TMEM266: variants seen among roughly 807,000 people sequenced by gnomAD.
TMEM266 encodes the protein transmembrane protein 266, also known as Hv1 related protein 1.
TMEM266 carries 33 observed loss-of-function variants against 50.5 expected under a neutral mutation model. The ratio of observed to expected loss-of-function variants is 0.65; its 90% CI spans 0.50 to 0.87. TMEM266 has a LOEUF of 0.87. TMEM266 is among the 40% of genes least tolerant of loss of function. The probability of loss-of-function intolerance (pLI) is 0.00; values close to 1 mark genes in which losing one functional copy is unlikely to be tolerated. For synonymous variants in TMEM266, 310 were observed against 292.3 expected, an observed-to-expected ratio of 1.06 and a Z score of -0.62; for missense variants, 655 against 695.1, an observed-to-expected ratio of 0.94 and a Z score of 0.65.
chr15:76,149,871 A>C (rs1265418551), intron 3 of TMEM266, among the ~76,000 whole-genome samples: 2 of 152,260 alleles, frequency 1.3e-5, no homozygotes, highest in African/African-American at 4.8e-5. Context: ...AGTCCATGTC[A>C]ATGACAGAAG....
intron 1 of TMEM266, among the ~76,000 whole-genome samples, chr15:76,079,699 G>A (rs1269292641): frequency 6.7e-6 from 1 of 149,310 alleles, no homozygotes; most frequent in African/African-American, 2.5e-5. Context: ...GAGTGAAACC[G>A]GGAGGCAGAG....
chr15:76,156,586 C>T lies in TMEM266; in HGVS notation c.228-18C>T. The T allele has an allele frequency of 6.2e-7, 1 of 1,612,848 alleles. No homozygotes were observed. The highest frequency in any genetic ancestry group is 8.5e-7 in the Non-Finnish European group (1 of 1,179,784). ...CTCCCACTCTGAGCCTCTCTTCTCC[C>T]CACTTTTGTCCCCACAGGTCTAACT... On this transcript the variant is annotated intron_variant, in intron 3 of 10. Coordinates refer to ENST00000388942, the MANE Select transcript of TMEM266 (RefSeq NM_152335.3).
At chr15:76,143,982 G>A (rs150077398) in intron 3 of TMEM266, among the ~76,000 whole-genome samples, 113 of 152,210 alleles carry the variant, frequency 7.4e-4, no homozygotes, top group Non-Finnish European at 1.2e-3. Context: ...TCTGTGGAAT[G>A]ATCTATTCTT....
intron 3 of TMEM266, among the ~76,000 whole-genome samples, chr15:76,156,127 G>A (rs547253711): frequency 4.1e-4 from 63 of 152,322 alleles, no homozygotes; most frequent in African/African-American, 1.4e-3. Flanking sequence ...TTGGAAGGCC[G>A]AGGTGGGCAG....
intron 1 of TMEM266, among the ~76,000 whole-genome samples, chr15:76,081,463 TG>T (rs1280970497): frequency 1.3e-5 from 2 of 152,220 alleles, no homozygotes; most frequent in Non-Finnish European, 2.9e-5. Context: ...CCTTCCACTG[TG>T]CCTGGGCTCA....
chr15:76,111,557 G>A (rs988475338), intron 1 of TMEM266, among the ~76,000 whole-genome samples: 7 of 151,986 alleles, frequency 4.6e-5, no homozygotes, highest in Admixed American at 4.6e-4. Context: ...ACAGGCGCCC[G>A]CCACCATGCC....
chr15:76,122,005 T>C (rs997288398), intron 1 of TMEM266, among the ~76,000 whole-genome samples: 24 of 152,246 alleles, frequency 1.6e-4, no homozygotes, highest in Non-Finnish European at 5.9e-5. Context: ...GAAGAATGAA[T>C]TGAGAAACAA....
chr15:76,180,607 C>CTTTT (rs59287886), intron 8 of TMEM266, among the ~76,000 whole-genome samples: 2,217 of 63,056 alleles, frequency 0.035, 86 homozygotes, highest in East Asian at 0.089. Flanking sequence ...TCATCTTAAG[C>CTTTT]TTTTTTTTTT....
At chr15:76,179,354 C>G (rs1224630078) in intron 8 of TMEM266, among the ~76,000 whole-genome samples, 1 of 152,096 alleles carries the variant, frequency 6.6e-6, no homozygotes, top group African/African-American at 2.4e-5. Context: ...GTGTGGACCC[C>G]GAAGTCCACC....
chr15:76,158,557 T>G (rs1321324618), intron 4 of TMEM266, among the ~76,000 whole-genome samples: 1 of 152,184 alleles, frequency 6.6e-6, no homozygotes, highest in African/African-American at 2.4e-5. Context: ...TAAAATTAAG[T>G]ATCCAGGAGA....
At chr15:76,073,838 A>C (rs746830436) in intron 1 of TMEM266, among the ~76,000 whole-genome samples, 3 of 152,200 alleles carry the variant, frequency 2.0e-5, no homozygotes, top group African/African-American at 7.2e-5. Context: ...CAGACAGTTA[A>C]CATCTGCATT....
rs1161276954 is a variant in TMEM266 at position 76,204,497 on chromosome 15, C to G, written c.*182C>G. On this transcript the variant is annotated 3_prime_UTR_variant, in exon 11 of 11. Transcript: ENST00000388942. ...GCCACAAGCTTCAGACCTCAAAGCCCAGAGCTGGCGCCTCTTCTCGCCCTG... is the reference window on the plus strand; with the variant it reads ...GCCACAAGCTTCAGACCTCAAAGCCGAGAGCTGGCGCCTCTTCTCGCCCTG... 1 of 552,962 alleles carries G rather than the reference C, an allele frequency of 1.8e-6. No homozygotes were observed. Among genetic ancestry groups the G allele is most frequent in the African/African-American group, 1.9e-5 (1 of 53,040 alleles). 34.3% of individuals were successfully genotyped at this position (552,962 alleles called of 1,614,324 possible).
intron 1 of TMEM266, among the ~76,000 whole-genome samples, chr15:76,085,396 T>C (rs1395036056): frequency 6.6e-6 from 1 of 152,140 alleles, no homozygotes; most frequent in Non-Finnish European, 1.5e-5. Flanking sequence ...TAGCTGGGAC[T>C]ACAGGCATGC....
chr15:76,102,122 A>C (rs1010726821), intron 1 of TMEM266, among the ~76,000 whole-genome samples: 5 of 152,302 alleles, frequency 3.3e-5, no homozygotes, highest in African/African-American at 1.2e-4. Context: ...TAGTGTCTTC[A>C]TGACACTAGG....
intron 1 of TMEM266, among the ~76,000 whole-genome samples, chr15:76,102,763 C>T (rs927434873): frequency 4.1e-5 from 6 of 146,696 alleles, no homozygotes; most frequent in African/African-American, 1.3e-4. Context: ...CACTTGAACC[C>T]GGGAGGCGGA....
intron 3 of TMEM266, among the ~76,000 whole-genome samples, chr15:76,148,324 C>CA (rs917648479): frequency 2.0e-5 from 3 of 152,196 alleles, no homozygotes; most frequent in African/African-American, 7.2e-5. Context: ...TGCCAAACCA[C>CA]AGCAAACCTG....
chr15:76,121,432 T>C (rs1478755343), intron 1 of TMEM266, among the ~76,000 whole-genome samples: 1 of 152,096 alleles, frequency 6.6e-6, no homozygotes, highest in Non-Finnish European at 1.5e-5. Flanking sequence ...TTTTTATTTC[T>C]TTGAGATGGA....
chr15:76,179,693 C>T (rs2038366322), intron 8 of TMEM266, among the ~76,000 whole-genome samples: 1 of 152,238 alleles, frequency 6.6e-6, no homozygotes, highest in South Asian at 2.1e-4. Context: ...TGTCTCCTTG[C>T]TGGAATTCTC....
intron 3 of TMEM266, among the ~76,000 whole-genome samples, chr15:76,145,676 C>A (rs2037745275): frequency 6.6e-6 from 1 of 152,228 alleles, no homozygotes; most frequent in African/African-American, 2.4e-5. Context: ...TTAAGGAAGC[C>A]AGTTCTCCTT....
Sources: allele counts gnomAD v4.1 joint callset (sites outside exome capture counted in the v4.1 genomes callset), GRCh38; gene constraint gnomAD v4.1.1; transcripts MANE v1.5; gene names NCBI Gene and HGNC (gene_info 2026-07-23, HGNC 2026-07-21).